The following NPAS3 variants were observed in gnomAD, a reference collection of about 807,000 sequenced individuals.
NPAS3 encodes the protein neuronal PAS domain protein 3, also known as neuronal PAS domain-containing protein 3.
A neutral mutation model predicts 73.1 loss-of-function variants in NPAS3; 14 were observed. The ratio of observed to expected loss-of-function variants is 0.19; its 90% CI spans 0.13 to 0.30. The LOEUF is 0.30. Ranked by LOEUF, NPAS3 falls within the 10% of genes least tolerant of loss-of-function variation. The pLI, the probability that NPAS3 is intolerant of heterozygous loss-of-function variation, is 1.00. For synonymous variants in NPAS3, 620 were observed against 541.5 expected, an observed-to-expected ratio of 1.14 and a Z score of -2.01; for missense variants, 1,096 against 1,250.0, an observed-to-expected ratio of 0.88 and a Z score of 1.86.
intron 4 of NPAS3, among the ~76,000 whole-genome samples, chr14:33,414,336 A>AT (rs1169095309): frequency 2.6e-5 from 4 of 152,010 alleles, no homozygotes; most frequent in Admixed American, 1.3e-4. Context: ...TCAGTGTCTT[A>AT]TTTTTTTCTT....
intron 7 of NPAS3, among the ~76,000 whole-genome samples, chr14:33,768,392 CT>C (rs2062533666): frequency 6.6e-6 from 1 of 152,158 alleles, no homozygotes; most frequent in South Asian, 2.1e-4. Context: ...TTAAGATGAA[CT>C]TTTTGAACAC....
At chr14:33,554,173 C>A (rs528719188) in intron 4 of NPAS3, among the ~76,000 whole-genome samples, 1 of 152,316 alleles carries the variant, frequency 6.6e-6, no homozygotes, top group Admixed American at 6.5e-5. Flanking sequence ...GGAATGGAGG[C>A]AGTTTTCTCA....
At chr14:33,276,298 A>G (rs1406471862) in intron 3 of NPAS3, among the ~76,000 whole-genome samples, 1 of 152,142 alleles carries the variant, frequency 6.6e-6, no homozygotes, top group African/African-American at 2.4e-5. Flanking sequence ...TAACACAGTA[A>G]TAAGAAGGAA....
intron 7 of NPAS3, among the ~76,000 whole-genome samples, chr14:33,764,756 T>A (rs1291970770): frequency 2.6e-5 from 4 of 152,202 alleles, no homozygotes; most frequent in Non-Finnish European, 4.4e-5. Flanking sequence ...AATAAAAAAG[T>A]TCCCCTCCAC....
At chr14:33,238,854 C>T (rs1247749560) in intron 3 of NPAS3, among the ~76,000 whole-genome samples, 4 of 151,828 alleles carry the variant, frequency 2.6e-5, no homozygotes, top group South Asian at 2.1e-4. Flanking sequence ...AGTCTTGCGC[C>T]GTGTGGAATG....
chr14:33,333,455 T>C (rs2044077639), intron 3 of NPAS3, among the ~76,000 whole-genome samples: 1 of 152,200 alleles, frequency 6.6e-6, no homozygotes, highest in Admixed American at 6.6e-5. Context: ...GCAAACCTTA[T>C]GAAGTAAGTA....
rs144097060 is a variant in NPAS3 at position 33,566,902 on chromosome 14, T to C, written c.558+6692T>C. 7.5e-3 allele frequency among the ~76,000 whole-genome samples: 1,139 copies of C among 152,346 alleles called. 12 individuals are homozygous for C. The highest frequency in any genetic ancestry group is 0.013 in the African/African-American group (520 of 41,590). ...CATAAGGCCCAGAAAACATGTCACC[T>C]GTGCTATTTGGCTTTGAATCCCAGT... On this transcript the variant is annotated intron_variant, in intron 5 of 11. Coordinates refer to ENST00000356141, the Ensembl canonical transcript of NPAS3.
chr14:33,498,837 TA>T (rs943921145), intron 4 of NPAS3, among the ~76,000 whole-genome samples: 1 of 151,704 alleles, frequency 6.6e-6, no homozygotes, highest in Non-Finnish European at 1.5e-5. Context: ...AGTATAATTT[TA>T]AAAAAAGAAA....
intron 1 of NPAS3, among the ~76,000 whole-genome samples, chr14:32,940,119 G>T (rs1361842985): frequency 2.0e-5 from 3 of 152,232 alleles, no homozygotes; most frequent in Non-Finnish European, 2.9e-5. Context: ...CAAACAAACA[G>T]CGAGATCCAA....
At chr14:33,757,285 AC>A (rs1344494879) in intron 7 of NPAS3, among the ~76,000 whole-genome samples, 2 of 152,174 alleles carry the variant, frequency 1.3e-5, no homozygotes, top group Non-Finnish European at 2.9e-5. Context: ...ATAGTGCTAC[AC>A]CATTTTCAAG....
intron 1 of NPAS3, among the ~76,000 whole-genome samples, chr14:32,939,616 T>C (rs1595047585): frequency 1.4e-5 from 1 of 70,994 alleles, no homozygotes; most frequent in Non-Finnish European, 2.6e-5. Flanking sequence ...ATAGAGTGAC[T>C]CACTGACAAA....
rs548169678 is a variant in NPAS3, at chr14:33,112,132, G to A, written c.140+56138G>A. On this transcript the variant is annotated intron_variant, in intron 2 of 11. Coordinates refer to ENST00000356141, the Ensembl canonical transcript of NPAS3. ...GTGAATAGTGCTGCAATAAACATAC[G>A]TGTGCATGTGTCTTTATAGCAGCAT... Among the ~76,000 whole-genome samples the A allele has an allele frequency of 7.9e-5, 12 of 152,236 alleles. No homozygotes were observed. In the East Asian group the frequency reaches 1.5e-3, roughly 20 times the overall value.
intron 4 of NPAS3, among the ~76,000 whole-genome samples, chr14:33,523,611 A>G (rs775343651): frequency 1.4e-4 from 22 of 151,898 alleles, no homozygotes; most frequent in Non-Finnish European, 2.8e-4. Context: ...AAAAATACAA[A>G]AAGATAAAAA....
At chr14:33,364,423 C>G (rs1409172809) in intron 3 of NPAS3, among the ~76,000 whole-genome samples, 1 of 152,112 alleles carries the variant, frequency 6.6e-6, no homozygotes, top group East Asian at 1.9e-4. Flanking sequence ...GGGCTCCTAC[C>G]AGGGACATAA....
chr14:33,769,836 C>T (rs1182835829), intron 7 of NPAS3, among the ~76,000 whole-genome samples: 1 of 134,688 alleles, frequency 7.4e-6, no homozygotes, highest in Non-Finnish European at 1.5e-5. Context: ...GGAATCACGG[C>T]TCACTGCAGC....
At chr14:33,427,269 G>T (rs751681005) in intron 4 of NPAS3, among the ~76,000 whole-genome samples, 5 of 151,124 alleles carry the variant, frequency 3.3e-5, no homozygotes, top group African/African-American at 1.2e-4. Flanking sequence ...GTACATCTCA[G>T]CTGTGGCCCA....
At chr14:33,152,386 C>T (rs1471702023) in intron 2 of NPAS3, among the ~76,000 whole-genome samples, 1 of 152,118 alleles carries the variant, frequency 6.6e-6, no homozygotes, top group East Asian at 1.9e-4. Flanking sequence ...TGTGTCTCAC[C>T]AGCAAGAGTG....
intron 2 of NPAS3, among the ~76,000 whole-genome samples, chr14:33,205,725 A>C (rs1176075690): frequency 2.0e-5 from 3 of 152,180 alleles, no homozygotes; most frequent in Admixed American, 2.0e-4. Context: ...TGTCAAGTAA[A>C]GCATGTGCTA....
intron 2 of NPAS3, among the ~76,000 whole-genome samples, chr14:33,149,900 A>G (rs967355172): frequency 6.6e-6 from 1 of 152,146 alleles, no homozygotes; most frequent in African/African-American, 2.4e-5. Flanking sequence ...CCTGTCATCT[A>G]CATTAGGTAT....
Sources: gnomAD v4.1 joint callset for allele counts (sites outside exome capture counted in the v4.1 genomes callset) on GRCh38, gnomAD v4.1.1 for gene constraint, MANE v1.5 for transcripts, NCBI Gene and HGNC (gene_info 2026-07-23, HGNC 2026-07-21) for gene names.